Variants in ASAP3 observed in about 807,000 individuals in gnomAD.
ASAP3 encodes arf-GAP with SH3 domain, ANK repeat and PH domain-containing protein 3.
In ASAP3, 85 loss-of-function variants were observed where a neutral mutation model predicts 118.2. The observed-to-expected ratio is 0.72, with a 90% CI of 0.60 to 0.86. ASAP3 has a LOEUF of 0.86. Among genes scored for constraint, ASAP3 ranks in the 40% least tolerant of loss-of-function variants. The probability of loss-of-function intolerance (pLI) is 0.00; values close to 1 mark genes in which losing one functional copy is unlikely to be tolerated. For missense variants in ASAP3, 1,026 were observed against 1,175.0 expected, an observed-to-expected ratio of 0.87 and a Z score of 1.85; for synonymous variants, 432 against 477.4, an observed-to-expected ratio of 0.90 and a Z score of 1.24.
chr1:23,448,604 GTATTA>G (rs1641117572), intron 5 of ASAP3, among the ~76,000 whole-genome samples: 1 of 151,196 alleles, frequency 6.6e-6, no homozygotes, highest in Non-Finnish European at 1.5e-5. Flanking sequence ...CTAAATATAT[GTATTA>G]TATTTATTAT....
In ASAP3 at chr1:23,484,073, G is replaced by T; in HGVS notation, c.61C>A (p.Pro21Thr). 7.4e-7 allele frequency: 1 copy of T among 1,350,088 alleles called. No homozygotes were observed. The allele number at this position is 1,350,088 out of a possible 1,614,324, so 83.6% of individuals were successfully genotyped here. ...GCGGCGAAGGCGGCGGCCCCAGCCGGGGAGCTGAGGTCCTCCGCGGTGACG... is the reference window on the plus strand; with the variant it reads ...GCGGCGAAGGCGGCGGCCCCAGCCGTGGAGCTGAGGTCCTCCGCGGTGACG... The part of the protein sequence containing the change: ...LAVTAEDLSS[P>T]AGAAAFAAKM... Residue 21 changes from proline (P) to threonine (T), a missense_variant, in exon 1 of 25, where the codon CCG (proline) becomes ACG (threonine). Coordinates refer to ENST00000336689, the MANE Select transcript of ASAP3 (RefSeq NM_017707.4).
chr1:23,434,316 G>A lies in ASAP3; in HGVS notation c.1889C>T (p.Ala630Val), dbSNP rs1226914515. 7 of 1,614,110 alleles carry A rather than the reference G, an allele frequency of 4.3e-6. No individual in the cohort carries two copies. Among genetic ancestry groups the A allele is most frequent in the South Asian group, 1.1e-5 (1 of 91,090 alleles). Residue 630 changes from alanine to valine, a missense_variant, in exon 19 of 25, where the codon GCA becomes GTA. By Grantham distance (64) the Ala-to-Val change is moderately conservative. Transcript: ENST00000336689. ...GAGGCAGTCGGGCTGGTTGTAGAGT[G>A]CTGCGTAGTGCAGAGCCGTGTTCCC... Reference protein sequence around the residue: ...ADGNTALHYAALYNQPDCLKL... With the variant: ...ADGNTALHYAVLYNQPDCLKL...
chr1:23,430,371 A>G (rs1331897883), intron 24 of ASAP3, among the ~76,000 whole-genome samples: 1 of 151,402 alleles, frequency 6.6e-6, no homozygotes, highest in African/African-American at 2.4e-5. Context: ...TCCCAACACA[A>G]CTGGCTCTGA....
intron 10 of ASAP3, 87 bp downstream of exon 10, chr1:23,441,015 G>A: frequency 7.9e-7 from 1 of 1,264,196 alleles, no homozygotes; most frequent in East Asian, 2.3e-5. Flanking sequence ...CAAATGATTA[G>A]AACAGTTCCT....
chr1:23,441,850 C>T (rs1213857269), intron 7 of ASAP3, 120 bp from the exon 8 acceptor site: 28 of 1,027,492 alleles, frequency 2.7e-5, no homozygotes, highest in Non-Finnish European at 3.4e-5. Flanking sequence ...TGTAGTCTGA[C>T]GGTCAAGAAC....
At chr1:23,462,312 C>A (rs1641620118) in intron 1 of ASAP3, among the ~76,000 whole-genome samples, 2 of 151,648 alleles carry the variant, frequency 1.3e-5, no homozygotes, top group African/African-American at 4.8e-5. Context: ...GCGTGAGCCA[C>A]CGCGCCCGGC....
At chr1:23,478,579 T>A (rs1642207315) in intron 1 of ASAP3, among the ~76,000 whole-genome samples, 1 of 151,410 alleles carries the variant, frequency 6.6e-6, no homozygotes, top group Non-Finnish European at 1.5e-5. Flanking sequence ...GCTAACACGG[T>A]GAAACCCTGT....
Position 23,437,231 on chromosome 1 carries a change from G to C in ASAP3, c.1241C>G (p.Ser414Cys). 6.3e-7 allele frequency: 1 copy of C among 1,591,316 alleles called. No homozygotes were observed. Residue 414 changes from serine (S) to cysteine (C), a missense_variant, in exon 14 of 25, where the codon TCC (serine) becomes TGC (cysteine). Physicochemically the swap from Ser to Cys is moderately radical, Grantham distance 112 (BLOSUM62 -1). Coordinates refer to ENST00000336689, the MANE Select transcript of ASAP3 (RefSeq NM_017707.4). The surrounding 1 kb of genome is among the most constrained non-coding windows in gnomAD (Gnocchi z 6.1). ...GTGCGGCTCCCCATCATGGCCGGCGGACCCCCAGGACCCCGGGCCAGCGCT... is the reference window on the plus strand; with the variant it reads ...GTGCGGCTCCCCATCATGGCCGGCGCACCCCCAGGACCCCGGGCCAGCGCT... Reference protein sequence around the residue: ...EPSAGPGSWGSAGHDGEPHDL... With the variant: ...EPSAGPGSWGCAGHDGEPHDL...
chr1:23,480,043 T>C (rs1257710298), intron 1 of ASAP3: 1 of 152,132 alleles, frequency 6.6e-6, no homozygotes, highest in African/African-American at 2.4e-5. Flanking sequence ...GCGCCAGTAA[T>C]CCTAGCTACT....
rs138247317 is a variant in ASAP3, at chr1:23,442,203, G to T, written c.654C>A (p.Phe218Leu). Residue 218 changes from phenylalanine to leucine, a missense_variant, in exon 7 of 25, where the codon TTC becomes TTA. Transcript: ENST00000336689. ...ATACCTACTTGTGCTGGGCGTGGAAGAACTTGATGAGGCTCTGAAGGAAGT... is the reference window on the plus strand; with the variant it reads ...ATACCTACTTGTGCTGGGCGTGGAATAACTTGATGAGGCTCTGAAGGAAGT... ...GPDFLQSLIK[F>L]FHAQHNFFQD... 3.8e-4 allele frequency: 609 copies of T among 1,603,518 alleles called. 1 individual carries two copies. The highest frequency in any genetic ancestry group is 4.8e-4 in the Non-Finnish European group (570 of 1,175,898).
chr1:23,434,448 G>C, intron 18 of ASAP3, 79 bp from the exon 19 acceptor site: 1 of 1,600,048 alleles, frequency 6.2e-7, no homozygotes, highest in East Asian at 2.2e-5. Flanking sequence ...AAAGTGGGAG[G>C]GGAAAGGAGG....
intron 3 of ASAP3, among the ~76,000 whole-genome samples, chr1:23,453,261 T>C (rs1416530648): frequency 1.3e-5 from 2 of 152,146 alleles, no homozygotes; most frequent in Non-Finnish European, 2.9e-5. Flanking sequence ...TTAATGGTCA[T>C]AGAACCCCCT....
chr1:23,434,178 A>G, intron 19 of ASAP3, 76 bp downstream of exon 19: 1 of 1,436,506 alleles, frequency 7.0e-7, no homozygotes. Flanking sequence ...CCAGGATTAG[A>G]GCCCGAGACC....
intron 5 of ASAP3, among the ~76,000 whole-genome samples, chr1:23,446,906 A>G (rs1462851412): frequency 4.6e-5 from 7 of 152,058 alleles, no homozygotes; most frequent in African/African-American, 2.4e-5. Context: ...ATGGAAGACA[A>G]TATTTCCACG....
intron 1 of ASAP3, among the ~76,000 whole-genome samples, chr1:23,463,518 C>T (rs551681375): frequency 6.6e-6 from 1 of 152,310 alleles, no homozygotes; most frequent in East Asian, 1.9e-4. Context: ...ATTCTAGCCC[C>T]AGCATCTCCA....
intron 3 of ASAP3, among the ~76,000 whole-genome samples, chr1:23,455,271 C>T (rs557755031): frequency 6.6e-6 from 1 of 152,328 alleles, no homozygotes; most frequent in Non-Finnish European, 1.5e-5. Context: ...CTAGTGAGAA[C>T]TGTGCCTGCA....
chr1:23,437,799 C>T lies in ASAP3; in HGVS notation c.1103-327G>A, dbSNP rs1640731669. Among the ~76,000 whole-genome samples the T allele has an allele frequency of 6.6e-6, 1 of 152,148 alleles. No homozygotes were observed. Among genetic ancestry groups the T allele is most frequent in the Non-Finnish European group, 1.5e-5 (1 of 68,022 alleles). On this transcript the variant is annotated intron_variant, in intron 12 of 24. Transcript: ENST00000336689. This position sits in a 1 kb window ranked among gnomAD's most constrained non-coding sequence, Gnocchi z 6.1. ...CTCTGAACCAACTGTCACCACCCCA[C>T]TGGGCCCTTCCTGGTCTCCTCCTGG... is the stretch of plus-strand genomic sequence containing the variant.
At chr1:23,473,349 C>T (rs1221431736) in intron 1 of ASAP3, among the ~76,000 whole-genome samples, 2 of 152,186 alleles carry the variant, frequency 1.3e-5, no homozygotes, top group Admixed American at 1.3e-4. Context: ...GAACCTTCAG[C>T]AGCTGTTCCC....
chr1:23,484,216 G>GGGGGCGCCGTCCC (rs1553179994), upstream of ASAP3: 2 of 1,191,282 alleles, frequency 1.7e-6, no homozygotes, highest in East Asian at 3.5e-5. Context: ...ACCGCCGGCC[G>GGGGGCGCCGTCCC]GGGGCGCCGT....
Sources: allele counts gnomAD v4.1 joint callset (sites outside exome capture counted in the v4.1 genomes callset), GRCh38; gene constraint gnomAD v4.1.1; non-coding constraint Gnocchi (gnomAD v3.1); transcripts MANE v1.5; gene names NCBI Gene and HGNC (gene_info 2026-07-23, HGNC 2026-07-21).